Variants in PDGFD observed in about 807,000 individuals in gnomAD.
PDGFD encodes the protein platelet-derived growth factor D.
In PDGFD, 30 loss-of-function variants were observed where a neutral mutation model predicts 44.7. The observed-to-expected ratio is 0.67, with a 90% CI of 0.50 to 0.91. The LOEUF (loss-of-function observed/expected upper bound fraction) is 0.91, where lower values mean the gene tolerates loss of function less well. Ranked by LOEUF, PDGFD falls within the 40% of genes least tolerant of loss-of-function variation. The probability of loss-of-function intolerance (pLI) is 0.00; values close to 1 mark genes in which losing one functional copy is unlikely to be tolerated. For missense variants in PDGFD, 445 were observed against 457.8 expected, an observed-to-expected ratio of 0.97 and a Z score of 0.25; for synonymous variants, 173 against 168.4, an observed-to-expected ratio of 1.03 and a Z score of -0.21.
chr11:104,159,342 G>A (rs1217438506), intron 1 of PDGFD, among the ~76,000 whole-genome samples: 3 of 151,988 alleles, frequency 2.0e-5, no homozygotes, highest in Non-Finnish European at 4.4e-5. Flanking sequence ...TGAATGGCAT[G>A]GCGCAGATGA....
intron 1 of PDGFD, among the ~76,000 whole-genome samples, chr11:104,008,402 ATAT>A (rs959494410): frequency 3.3e-5 from 5 of 152,134 alleles, no homozygotes; most frequent in African/African-American, 1.2e-4. Flanking sequence ...GATATAATAG[ATAT>A]TATATATAGT....
intron 1 of PDGFD, among the ~76,000 whole-genome samples, chr11:104,005,009 G>A (rs1182907245): frequency 6.6e-6 from 1 of 150,912 alleles, no homozygotes; most frequent in Non-Finnish European, 1.5e-5. Context: ...CTCCCGAGTA[G>A]CTGGGATTAT....
chr11:103,919,905 T>C (rs1858186801), intron 6 of PDGFD, among the ~76,000 whole-genome samples: 1 of 152,220 alleles, frequency 6.6e-6, no homozygotes, highest in African/African-American at 2.4e-5. Context: ...TTATAGCCTT[T>C]ATAAAAAATG....
At position 104,163,921 on chromosome 11, in the gene PDGFD, G is replaced by C. The variant is rs147228586; in HGVS notation, c.7C>G (p.Arg3Gly). 264 of 1,542,048 alleles carry C rather than the reference G, an allele frequency of 1.7e-4. No individual in the cohort carries two copies. Among genetic ancestry groups the C allele is most frequent in the Admixed American group, 9.5e-4 (54 of 57,026 alleles). Residue 3 changes from arginine (R) to glycine (G), a missense_variant, in exon 1 of 7, where the codon CGG becomes GGG. Physicochemically the swap from Arg to Gly is moderately radical, Grantham distance 125 (BLOSUM62 -2). Coordinates refer to ENST00000393158, the MANE Select transcript of PDGFD (RefSeq NM_025208.5). ...ATTAGAGTGTAGACAAAGATGAGCC[G>C]GTGCATTTGGGATCAGCGACTAGAG... The part of the protein sequence containing the change: MH[R>G]LIFVYTLICA...
chr11:103,924,634 A>C (rs1396221976), intron 6 of PDGFD, among the ~76,000 whole-genome samples: 1 of 152,070 alleles, frequency 6.6e-6, no homozygotes, highest in Non-Finnish European at 1.5e-5. Flanking sequence ...ATTATTACAT[A>C]CTCATTTTTG....
chr11:103,985,120 TATATTAATTTATTTAATATATA>T (rs1859341293), intron 3 of PDGFD, among the ~76,000 whole-genome samples: 1 of 138,368 alleles, frequency 7.2e-6, no homozygotes, highest in South Asian at 2.2e-4. Flanking sequence ...TAATATATAA[TATATTAATTTATTTAATATATA>T]ATATATTAAT....
intron 3 of PDGFD, among the ~76,000 whole-genome samples, chr11:103,955,845 T>C (rs1336921937): frequency 6.6e-6 from 1 of 152,116 alleles, no homozygotes; most frequent in Non-Finnish European, 1.5e-5. Flanking sequence ...AGATTTTCAC[T>C]GATTTAAGAG....
At chr11:103,938,168 C>T (rs981174420) in intron 5 of PDGFD, among the ~76,000 whole-genome samples, 2 of 151,970 alleles carry the variant, frequency 1.3e-5, no homozygotes, top group Non-Finnish European at 2.9e-5. Flanking sequence ...ACAGTCCCAC[C>T]AACAGTGTAA....
intron 1 of PDGFD, among the ~76,000 whole-genome samples, chr11:104,126,726 G>A (rs563680931): frequency 6.6e-6 from 1 of 152,230 alleles, no homozygotes; most frequent in East Asian, 1.9e-4. Flanking sequence ...GCTAGCAGAG[G>A]TTGAGAGATG....
intron 1 of PDGFD, among the ~76,000 whole-genome samples, chr11:104,054,145 AT>A (rs1860585451): frequency 6.6e-6 from 1 of 152,228 alleles, no homozygotes; most frequent in Non-Finnish European, 1.5e-5. Context: ...ACTGGATTAC[AT>A]GTTTATTTCA....
intron 3 of PDGFD, among the ~76,000 whole-genome samples, chr11:103,952,393 G>A (rs1426723319): frequency 1.3e-5 from 2 of 152,152 alleles, no homozygotes; most frequent in African/African-American, 4.8e-5. Flanking sequence ...CTAGAGGCTG[G>A]TACACAGCTT....
rs1193661913 is a variant in PDGFD at position 104,139,873 on chromosome 11, TAAAAAAAAAAAAAAA to T, written c.124+23916_124+23930del. On this transcript the variant is annotated intron_variant, in intron 1 of 6. Coordinates refer to ENST00000393158, the MANE Select transcript of PDGFD (RefSeq NM_025208.5). The stretch of plus-strand genomic sequence containing the variant: ...TAACAAGGTGAAACCCCGTCTCTAC[TAAAAAAAAAAAAAAA>T]AAAAAAAAAAAAATACAAAAAATTA... Among the ~76,000 whole-genome samples, 3 of 19,856 alleles carry T rather than the reference TAAAAAAAAAAAAAAA, an allele frequency of 1.5e-4. No individual in the cohort carries two copies. The South Asian group carries it at 4.3e-3, about 29-fold the overall frequency. 13.0% of individuals were successfully genotyped at this position (19,856 alleles called of 152,430 possible).
intron 1 of PDGFD, among the ~76,000 whole-genome samples, chr11:104,036,199 G>A (rs1860229018): frequency 6.6e-6 from 1 of 152,124 alleles, no homozygotes; most frequent in African/African-American, 2.4e-5. Context: ...AGCACTTTGG[G>A]AGGCCGAAGT....
In PDGFD at chr11:104,038,093, AATC is replaced by A. The variant is rs1372762125; in HGVS notation, c.125-37841_125-37839del. 5.1e-5 allele frequency: 71 copies of A among 1,384,610 alleles called. No homozygotes were observed. In the Admixed American group the frequency reaches 9.1e-4, roughly 18 times the overall value. The allele number at this position is 1,384,610 out of a possible 1,614,324, so 85.8% of individuals were successfully genotyped here. Reference sequence around the variant, plus strand: ...TAAGTTAAGAGCTTACTGGCAATGTAATCATTAAAAAACATCAGTAACAACTAA... The same window carrying A: ...TAAGTTAAGAGCTTACTGGCAATGTAATTAAAAAACATCAGTAACAACTAA... On this transcript the variant is annotated intron_variant, in intron 1 of 6. Coordinates refer to ENST00000393158, the MANE Select transcript of PDGFD (RefSeq NM_025208.5).
chr11:104,162,864 GA>G (rs1388506685), intron 1 of PDGFD, among the ~76,000 whole-genome samples: 1 of 152,134 alleles, frequency 6.6e-6, no homozygotes, highest in Non-Finnish European at 1.5e-5. Flanking sequence ...GAAAGATACT[GA>G]TGTAGGAAAA....
chr11:103,908,721 C>T lies in PDGFD; in HGVS notation c.*973G>A, dbSNP rs1010717517. ...TTAGATATGGATCCTATCAAATATC[C>T]CACCTAATTTCCAGTTACGTCGATG... is the stretch of plus-strand genomic sequence containing the variant. On this transcript the variant is annotated 3_prime_UTR_variant, in exon 7 of 7. Transcript: ENST00000393158. 24 of 152,014 alleles carry T rather than the reference C, an allele frequency of 1.6e-4. No homozygotes were observed. Among genetic ancestry groups the T allele is most frequent in the African/African-American group, 5.8e-4 (24 of 41,390 alleles). The allele number at this position is 152,014 out of a possible 1,614,324, so 9.4% of individuals were successfully genotyped here.
intron 1 of PDGFD, among the ~76,000 whole-genome samples, chr11:104,151,067 C>T (rs1862237648): frequency 6.6e-6 from 1 of 152,072 alleles, no homozygotes; most frequent in African/African-American, 2.4e-5. Flanking sequence ...TTTATATGTG[C>T]AGCAATGATG....
In PDGFD at chr11:104,143,864, G is replaced by A. The variant is rs563473228; in HGVS notation, c.124+19940C>T. ...AAACCAATTTGTCTACTTTTCAAAC[G>A]CAGTTAAGATTATTTAAGGCAGCTT... On this transcript the variant is annotated intron_variant, in intron 1 of 6. Coordinates refer to ENST00000393158, the MANE Select transcript of PDGFD (RefSeq NM_025208.5). Among the ~76,000 whole-genome samples the A allele has an allele frequency of 4.6e-5, 7 of 152,256 alleles. No individual in the cohort carries two copies. In the East Asian group the frequency reaches 9.6e-4, roughly 21 times the overall value.
chr11:104,106,819 T>A (rs372499616), intron 1 of PDGFD, among the ~76,000 whole-genome samples: 1 of 151,716 alleles, frequency 6.6e-6, no homozygotes, highest in African/African-American at 2.4e-5. Flanking sequence ...TCTCGGCTCA[T>A]TGCAACCTCT....
Sources: allele counts gnomAD v4.1 joint callset (sites outside exome capture counted in the v4.1 genomes callset), GRCh38; gene constraint gnomAD v4.1.1; transcripts MANE v1.5; gene names NCBI Gene and HGNC (gene_info 2026-07-23, HGNC 2026-07-21).